The following RBMXL2 variants were observed in gnomAD, a reference collection of about 807,000 sequenced individuals.
RBMXL2 encodes the protein RNA-binding motif protein, X-linked-like-2.
Under a neutral mutation model 1.0 loss-of-function variants are expected in RBMXL2, and 2 were observed. The observed-to-expected ratio is 2.05, with a 90% CI of 0.84 to 6.44. The LOEUF (loss-of-function observed/expected upper bound fraction) is 6.44. RBMXL2 is among the 30% of genes most tolerant of loss of function. The pLI is 0.05. For synonymous variants in RBMXL2, 313 were observed against 267.9 expected (o/e 1.17, Z -1.64); for missense variants, 658 against 608.5 (o/e 1.08, Z -0.85).
chr11:7,089,413 C>T lies in RBMXL2; in HGVS notation c.293C>T (p.Pro98Leu). ...AFESSRRGPPPPRSRGRPRFL... is the reference protein window; with the variant it reads ...AFESSRRGPPLPRSRGRPRFL... ...GAGAGCAGCCGGCGGGGCCCGCCGCCTCCCCGCAGCCGCGGTCGCCCGAGG... is the reference window on the plus strand; with the variant it reads ...GAGAGCAGCCGGCGGGGCCCGCCGCTTCCCCGCAGCCGCGGTCGCCCGAGG... Residue 98 changes from proline (P) to leucine (L), a missense_variant, in exon 1 of 1, where the codon CCT (proline) becomes CTT (leucine). Coordinates refer to ENST00000306904, the MANE Select transcript of RBMXL2 (RefSeq NM_014469.5). The T allele has an allele frequency of 3.8e-6, 6 of 1,577,100 alleles. No homozygotes were observed. The highest frequency in any genetic ancestry group is 5.2e-6 in the Non-Finnish European group (6 of 1,162,406).
Position 7,090,408 on chromosome 11 carries a change from C to A in RBMXL2, c.*109C>A. ...CTAGTACAAGGAAGAGTTGTTTTTA[C>A]CTTTTAAGAATTTCCTGTTAAGATC... On this transcript the variant is annotated 3_prime_UTR_variant, in exon 1 of 1. Coordinates refer to ENST00000306904, the MANE Select transcript of RBMXL2 (RefSeq NM_014469.5). 1 of 1,341,090 alleles carries A rather than the reference C, an allele frequency of 7.5e-7. No individual in the cohort carries two copies. Among genetic ancestry groups the A allele is most frequent in the Non-Finnish European group, 1.0e-6 (1 of 961,604 alleles). The allele number at this position is 1,341,090 out of a possible 1,614,324, so 83.1% of individuals were successfully genotyped here.
rs762192395 is a variant in RBMXL2 at position 7,090,266 on chromosome 11, C to T, written c.1146C>T (p.Arg382=). 8.1e-6 allele frequency: 13 copies of T among 1,606,698 alleles called. No individual in the cohort carries two copies. The highest frequency in any genetic ancestry group is 1.1e-5 in the Non-Finnish European group (13 of 1,176,600). The part of the protein sequence containing the change: ...VPRGGGRLGG[R]LERGGGRSRY ...GGGGCGGAGGCCGTCTAGGAGGCCG[C>T]TTGGAGAGAGGAGGAGGCCGGAGCA... Residue 382 remains arginine (R), a synonymous_variant, in exon 1 of 1, where the codon CGC becomes CGT. Transcript: ENST00000306904.
At position 7,089,266 on chromosome 11, in the gene RBMXL2, G is replaced by A. The variant is rs767273820; in HGVS notation, c.146G>A (p.Arg49Lys). 1 of 1,610,118 alleles carries A rather than the reference G, an allele frequency of 6.2e-7. No homozygotes were observed. The highest frequency in any genetic ancestry group is 1.1e-5 in the South Asian group (1 of 90,424). Residue 49 changes from arginine (R) to lysine (K), a missense_variant, in exon 1 of 1, where the codon AGG becomes AAG. By Grantham distance (26) the Arg-to-Lys change is conservative. Coordinates refer to ENST00000306904, the MANE Select transcript of RBMXL2 (RefSeq NM_014469.5). ...AAAGACCGAGAAACCAACAAGTCGA[G>A]GGGCTTCGCGTTCGTCACCTTTGAA... is the stretch of plus-strand genomic sequence containing the variant. ...LMKDRETNKSRGFAFVTFESP... is the reference protein window; with the variant it reads ...LMKDRETNKSKGFAFVTFESP...
rs942993928 is a variant in RBMXL2, at chr11:7,089,751, G to A, written c.631G>A (p.Asp211Asn). Residue 211 changes from aspartate (D) to asparagine (N), a missense_variant, in exon 1 of 1, where the codon GAT becomes AAT. Coordinates refer to ENST00000306904, the MANE Select transcript of RBMXL2 (RefSeq NM_014469.5). ...PRRDPYLGPR[D>N]EGYSSRDGYS... Reference sequence around the variant, plus strand: ...CCGCGACCCCTACCTGGGCCCGCGGGATGAGGGCTACTCGTCCAGAGACGG... The same window carrying A: ...CCGCGACCCCTACCTGGGCCCGCGGAATGAGGGCTACTCGTCCAGAGACGG... 1 of 1,562,378 alleles carries A rather than the reference G, an allele frequency of 6.4e-7. No individual in the cohort carries two copies. The highest frequency in any genetic ancestry group is 8.6e-7 in the Non-Finnish European group (1 of 1,161,010).
chr11:7,091,127 A>G lies in RBMXL2; in HGVS notation c.*828A>G, dbSNP rs1853122488. Among the ~76,000 whole-genome samples the G allele has an allele frequency of 1.3e-5, 2 of 152,238 alleles. No individual in the cohort carries two copies. Among genetic ancestry groups the G allele is most frequent in the Non-Finnish European group, 2.9e-5 (2 of 68,042 alleles). Reference sequence around the variant, plus strand: ...CAAGTAGAAAATAAATCAGTGGTCGACTTGGGGACCGTAATGGCTTCCATT... The same window carrying G: ...CAAGTAGAAAATAAATCAGTGGTCGGCTTGGGGACCGTAATGGCTTCCATT... On this transcript the variant is annotated 3_prime_UTR_variant, in exon 1 of 1. Transcript: ENST00000306904.
chr11:7,090,007 G>C lies in RBMXL2; in HGVS notation c.887G>C (p.Arg296Pro). 6.2e-7 allele frequency: 1 copy of C among 1,613,002 alleles called. No individual in the cohort carries two copies. Among genetic ancestry groups the C allele is most frequent in the Non-Finnish European group, 8.5e-7 (1 of 1,179,914 alleles). Reference sequence around the variant, plus strand: ...GAGCTGCGCGGCGCCGCCCCAGGACGGGGGACACCGCCATCTTACGGAGGA... The same window carrying C: ...GAGCTGCGCGGCGCCGCCCCAGGACCGGGGACACCGCCATCTTACGGAGGA... ...YGELRGAAPG[R>P]GTPPSYGGGG... is the part of the protein sequence containing the mutation. The change falls in exon 1 of 1, where the codon CGG becomes CCG. Residue 296 changes from arginine to proline, a missense_variant. Coordinates refer to ENST00000306904, the MANE Select transcript of RBMXL2 (RefSeq NM_014469.5).
Position 7,090,287 on chromosome 11 carries a change from G to A in RBMXL2, c.1167G>A (p.Arg389=). The change falls in exon 1 of 1, where the codon CGG becomes CGA. Residue 389 remains arginine (R), a synonymous_variant. Transcript: ENST00000306904. The stretch of plus-strand genomic sequence containing the variant: ...GCCGCTTGGAGAGAGGAGGAGGCCG[G>A]AGCAGATACTAAGCAGGAACAGACT... ...LGGRLERGGG[R]SRY 6.3e-7 allele frequency: 1 copy of A among 1,599,298 alleles called. No homozygotes were observed. Among genetic ancestry groups the A allele is most frequent in the Non-Finnish European group, 8.5e-7 (1 of 1,172,650 alleles).
rs750542636 is a variant in RBMXL2, at chr11:7,090,270, G to T, written c.1150G>T (p.Glu384Ter). Residue 384 changes from glutamate (E) to a stop codon, truncating the protein, a stop_gained, in exon 1 of 1, where the codon GAG (glutamate) becomes TAG (stop). Transcript: ENST00000306904. LOFTEE classifies it high-confidence loss of function. Reference protein sequence around the residue: ...RGGGRLGGRLERGGGRSRY With the variant: ...RGGGRLGGRL The stretch of plus-strand genomic sequence containing the variant: ...CGGAGGCCGTCTAGGAGGCCGCTTG[G>T]AGAGAGGAGGAGGCCGGAGCAGATA... 6 of 1,605,144 alleles carry T rather than the reference G, an allele frequency of 3.7e-6. No individual in the cohort carries two copies. The South Asian group carries it at 5.6e-5, about 15-fold the overall frequency.
rs767111537 is a variant in RBMXL2 at position 7,089,909 on chromosome 11, C to T, written c.789C>T (p.Tyr263=). The T allele has an allele frequency of 1.9e-6, 3 of 1,612,912 alleles. No homozygotes were observed. The highest frequency in any genetic ancestry group is 2.5e-6 in the Non-Finnish European group (3 of 1,179,922). ...PLRGYSDRDG[Y]GGRDRDYGDH... ...GAGGCTACAGCGACCGAGACGGCTACGGAGGTCGCGACCGTGACTACGGGG... is the reference window on the plus strand; with the variant it reads ...GAGGCTACAGCGACCGAGACGGCTATGGAGGTCGCGACCGTGACTACGGGG... The change falls in exon 1 of 1, where the codon TAC becomes TAT. Residue 263 remains tyrosine, a synonymous_variant. Coordinates refer to ENST00000306904, the MANE Select transcript of RBMXL2 (RefSeq NM_014469.5).
rs1853080839 is a variant in RBMXL2 at position 7,089,285 on chromosome 11, C to A, written c.165C>A (p.Thr55=). The A allele has an allele frequency of 6.2e-7, 1 of 1,608,248 alleles. No homozygotes were observed. Among genetic ancestry groups the A allele is most frequent in the African/African-American group, 1.3e-5 (1 of 74,878 alleles). ...AGTCGAGGGGCTTCGCGTTCGTCAC[C>A]TTTGAAAGCCCCGCAGACGCCAAGG... ...TNKSRGFAFV[T]FESPADAKAA... The change falls in exon 1 of 1, where the codon ACC becomes ACA. Residue 55 remains threonine, a synonymous_variant. Transcript: ENST00000306904.
In RBMXL2 at chr11:7,090,342, T is replaced by C; in HGVS notation, c.*43T>C. 6.5e-7 allele frequency: 1 copy of C among 1,543,204 alleles called. No homozygotes were observed. Among genetic ancestry groups the C allele is most frequent in the Non-Finnish European group, 8.8e-7 (1 of 1,139,212 alleles). On this transcript the variant is annotated 3_prime_UTR_variant, in exon 1 of 1. Coordinates refer to ENST00000306904, the MANE Select transcript of RBMXL2 (RefSeq NM_014469.5). ...ACCAAAAATCCCTTTTCAACGAAACTAACAAAAAGAAGAACCTGTTGTATG... is the reference window on the plus strand; with the variant it reads ...ACCAAAAATCCCTTTTCAACGAAACCAACAAAAAGAAGAACCTGTTGTATG...
Position 7,089,603 on chromosome 11 carries a change from C to A in RBMXL2, c.483C>A (p.Pro161=), listed in dbSNP as rs1853089287. ...GPPPRRVGPP[P]KRAAPSGPAR... ...CGCCGCGCAGGGTCGGCCCACCCCCCAAGAGGGCCGCGCCGTCGGGCCCGG... is the reference window on the plus strand; with the variant it reads ...CGCCGCGCAGGGTCGGCCCACCCCCAAAGAGGGCCGCGCCGTCGGGCCCGG... The change falls in exon 1 of 1, where the codon CCC becomes CCA. Residue 161 remains proline (P), a synonymous_variant. Transcript: ENST00000306904. 2 of 1,195,804 alleles carry A rather than the reference C, an allele frequency of 1.7e-6. No homozygotes were observed. Among genetic ancestry groups the A allele is most frequent in the Non-Finnish European group, 1.0e-6 (1 of 965,440 alleles). 74.1% of individuals were successfully genotyped at this position (1,195,804 alleles called of 1,614,324 possible).
In RBMXL2 at chr11:7,090,285, C is replaced by T. The variant is rs867265908; in HGVS notation, c.1165C>T (p.Arg389Trp). Residue 389 changes from arginine to tryptophan, a missense_variant, in exon 1 of 1, where the codon CGG (arginine) becomes TGG (tryptophan). Transcript: ENST00000306904. ...AGGCCGCTTGGAGAGAGGAGGAGGC[C>T]GGAGCAGATACTAAGCAGGAACAGA... Reference protein sequence around the residue: ...LGGRLERGGGRSRY With the variant: ...LGGRLERGGGWSRY 13 of 1,600,152 alleles carry T rather than the reference C, an allele frequency of 8.1e-6. No individual in the cohort carries two copies. Among genetic ancestry groups the T allele is most frequent in the African/African-American group, 4.0e-5 (3 of 74,728 alleles).
In RBMXL2 at chr11:7,089,823, C is replaced by T; in HGVS notation, c.703C>T (p.Pro235Ser). ...YREPRGFAPS[P>S]GEYTHRDYGH... ...CGAACCCCGGGGTTTTGCCCCCTCG[C>T]CCGGAGAGTACACCCACCGCGATTA... The change falls in exon 1 of 1, where the codon CCC becomes TCC. Residue 235 changes from proline to serine, a missense_variant. Transcript: ENST00000306904. The T allele has an allele frequency of 1.2e-6, 2 of 1,609,106 alleles. No homozygotes were observed. Among genetic ancestry groups the T allele is most frequent in the Non-Finnish European group, 1.7e-6 (2 of 1,179,710 alleles).
In RBMXL2 at chr11:7,089,502, G is replaced by A. The variant is rs1412562654; in HGVS notation, c.382G>A (p.Asp128Asn). ...PRRSPSRGGP[D>N]DDGGYTADFD... The stretch of plus-strand genomic sequence containing the variant: ...GCGTTCCCCATCCCGGGGCGGGCCC[G>A]ATGATGACGGCGGCTACACGGCGGA... The change falls in exon 1 of 1, where the codon GAT becomes AAT. Residue 128 changes from aspartate (D) to asparagine (N), a missense_variant. Physicochemically the swap from Asp to Asn is conservative, Grantham distance 23. Transcript: ENST00000306904. 1.6e-6 allele frequency: 2 copies of A among 1,230,880 alleles called. No individual in the cohort carries two copies. Among genetic ancestry groups the A allele is most frequent in the South Asian group, 2.8e-5 (1 of 35,854 alleles). 76.2% of individuals were successfully genotyped at this position (1,230,880 alleles called of 1,614,324 possible).
rs1316315455 is a variant in RBMXL2 at position 7,089,461 on chromosome 11, G to T, written c.341G>T (p.Gly114Val). 11 of 1,317,402 alleles carry T rather than the reference G, an allele frequency of 8.3e-6. No individual in the cohort carries two copies. Among genetic ancestry groups the T allele is most frequent in the Middle Eastern group, 2.4e-4 (1 of 4,166 alleles). 81.6% of individuals were successfully genotyped at this position (1,317,402 alleles called of 1,614,324 possible). ...RPRFLRGTRG[G>V]GGGPRRSPSR... Reference sequence around the variant, plus strand: ...AGGTTCCTGCGCGGAACCCGCGGGGGTGGCGGCGGCCCGCGGCGTTCCCCA... The same window carrying T: ...AGGTTCCTGCGCGGAACCCGCGGGGTTGGCGGCGGCCCGCGGCGTTCCCCA... The change falls in exon 1 of 1, where the codon GGT becomes GTT. Residue 114 changes from glycine (G) to valine (V), a missense_variant. Transcript: ENST00000306904.
rs775370117 is a variant in RBMXL2, at chr11:7,090,169, T to C, written c.1049T>C (p.Leu350Pro). Residue 350 changes from leucine (L) to proline (P), a missense_variant, in exon 1 of 1, where the codon CTC (leucine) becomes CCC (proline). Leu to Pro is a moderately conservative substitution (Grantham distance 98, BLOSUM62 -3). Transcript: ENST00000306904. Reference protein sequence around the residue: ...RHRVGRPDRGLSLSMERGCPP... With the variant: ...RHRVGRPDRGPSLSMERGCPP... ...CGGGTGGGCAGACCAGATCGTGGGC[T>C]CTCTCTGTCCATGGAAAGGGGCTGC... 1.2e-5 allele frequency: 19 copies of C among 1,613,716 alleles called. No individual in the cohort carries two copies. The South Asian group carries it at 2.1e-4, about 18-fold the overall frequency.
chr11:7,089,807 G>C lies in RBMXL2; in HGVS notation c.687G>C (p.Arg229=), dbSNP rs754501033. The C allele has an allele frequency of 6.2e-7, 1 of 1,606,220 alleles. No individual in the cohort carries two copies. Among genetic ancestry groups the C allele is most frequent in the Non-Finnish European group, 8.5e-7 (1 of 1,179,346 alleles). ...GYSSRDYREP[R]GFAPSPGEYT... Reference sequence around the variant, plus strand: ...CGAGCCGAGACTACCGCGAACCCCGGGGTTTTGCCCCCTCGCCCGGAGAGT... The same window carrying C: ...CGAGCCGAGACTACCGCGAACCCCGCGGTTTTGCCCCCTCGCCCGGAGAGT... The change falls in exon 1 of 1, where the codon CGG becomes CGC. Residue 229 remains arginine (R), a synonymous_variant. Transcript: ENST00000306904.
rs976046371 is a variant in RBMXL2 at position 7,089,018 on chromosome 11, G to A, written c.-103G>A. ...TCCGTGGACTCGGCGACTAGGCGCC[G>A]CCTGACCAGTAGGAGCCGCCCTCGA... On this transcript the variant is annotated 5_prime_UTR_variant, in exon 1 of 1. Transcript: ENST00000306904. 7 of 1,385,702 alleles carry A rather than the reference G, an allele frequency of 5.1e-6. No homozygotes were observed. The highest frequency in any genetic ancestry group is 1.4e-5 in the African/African-American group (1 of 70,018). The allele number at this position is 1,385,702 out of a possible 1,614,324, so 85.8% of individuals were successfully genotyped here. A position where few individuals can be genotyped will look rare whatever the true frequency, so the allele number is the denominator to read the frequency against.
Sources: allele counts gnomAD v4.1 joint callset (sites outside exome capture counted in the v4.1 genomes callset), GRCh38; gene constraint gnomAD v4.1.1; transcripts MANE v1.5; gene names NCBI Gene and HGNC (gene_info 2026-07-23, HGNC 2026-07-21).